SLC25A38: variants seen among roughly 807,000 people sequenced by gnomAD.
SLC25A38 encodes mitochondrial glycine transporter.
Under a neutral mutation model 33.4 loss-of-function variants are expected in SLC25A38, and 27 were observed. That is an observed-to-expected ratio of 0.81 (90% CI 0.60 to 1.11). The LOEUF (loss-of-function observed/expected upper bound fraction) is 1.11, where lower values mean the gene tolerates loss of function less well. Ranked by LOEUF, SLC25A38 falls within the 50% of genes most tolerant of loss-of-function variation. SLC25A38 has a pLI of 0.00. For synonymous variants in SLC25A38, 123 were observed against 145.9 expected, an observed-to-expected ratio of 0.84 and a Z score of 1.13; for missense variants, 344 against 388.8, an observed-to-expected ratio of 0.88 and a Z score of 0.97.
Position 39,396,892 on chromosome 3 carries a change from A to T in SLC25A38, c.*372A>T, listed in dbSNP as rs1484646188. 2.9e-6 allele frequency: 1 copy of T among 345,250 alleles called. No homozygotes were observed. The highest frequency in any genetic ancestry group is 7.3e-5 in the East Asian group (1 of 13,672). 21.4% of individuals were successfully genotyped at this position (345,250 alleles called of 1,614,324 possible). A position where few individuals can be genotyped will look rare whatever the true frequency, so the allele number is the denominator to read the frequency against. Reference sequence around the variant, plus strand: ...TTCTTGGGCAAGCAATCACAAAGCCAGAGAAGCTGTAAGCTGCCTGCCGGG... The same window carrying T: ...TTCTTGGGCAAGCAATCACAAAGCCTGAGAAGCTGTAAGCTGCCTGCCGGG... On this transcript the variant is annotated 3_prime_UTR_variant, in exon 7 of 7. Transcript: ENST00000650617.
intron 1 of SLC25A38, chr3:39,384,792 T>G: frequency 2.6e-6 from 1 of 388,392 alleles, no homozygotes; most frequent in Non-Finnish European, 4.5e-6. Flanking sequence ...TTGAGCTTTC[T>G]TTTCTTTTTT....
intron 6 of SLC25A38, 146 bp from the exon 7 acceptor site, chr3:39,396,252 T>G: frequency 7.4e-7 from 1 of 1,360,122 alleles, no homozygotes; most frequent in Non-Finnish European, 1.0e-6. Context: ...GTTGTCTCCT[T>G]GGACCCATTA....
Position 39,389,605 on chromosome 3 carries a change from C to T in SLC25A38, c.180C>T (p.Pro60=), listed in dbSNP as rs1272870725. The T allele has an allele frequency of 6.2e-7, 1 of 1,614,186 alleles. No homozygotes were observed. The highest frequency in any genetic ancestry group is 8.5e-7 in the Non-Finnish European group (1 of 1,180,024). ...LLKTRLQTLQ[P]SDHGSRRVGM... ...AAACACGCCTGCAAACCCTCCAGCC[C>T]TCAGATCATGGGTAGGCCCTGCATT... is the stretch of plus-strand genomic sequence containing the variant. Residue 60 remains proline (P), a synonymous_variant, in exon 2 of 7, where the codon CCC becomes CCT. Coordinates refer to ENST00000650617, the MANE Select transcript of SLC25A38 (RefSeq NM_017875.4). The surrounding 1 kb of genome is among the most constrained non-coding windows in gnomAD (Gnocchi z 4.5).
At chr3:39,390,780 T>C (rs981701686) in intron 3 of SLC25A38, among the ~76,000 whole-genome samples, 1 of 152,228 alleles carries the variant, frequency 6.6e-6, no homozygotes, top group Non-Finnish European at 1.5e-5. Context: ...CTTGCTCTTA[T>C]CACTTCAGTA....
chr3:39,396,620 G>C lies in SLC25A38; in HGVS notation c.*100G>C. ...TCTGCAGTAAGATGAAGTCCTACCTGGAAAACCAGGCAGAAATTGTGTTGC... is the reference window on the plus strand; with the variant it reads ...TCTGCAGTAAGATGAAGTCCTACCTCGAAAACCAGGCAGAAATTGTGTTGC... On this transcript the variant is annotated 3_prime_UTR_variant, in exon 7 of 7. Coordinates refer to ENST00000650617, the MANE Select transcript of SLC25A38 (RefSeq NM_017875.4). 6.3e-7 allele frequency: 1 copy of C among 1,596,336 alleles called. No individual in the cohort carries two copies. Among genetic ancestry groups the C allele is most frequent in the Non-Finnish European group, 8.6e-7 (1 of 1,168,150 alleles).
chr3:39,391,204 TC>T (rs1350409486), intron 3 of SLC25A38, among the ~76,000 whole-genome samples: 7 of 152,204 alleles, frequency 4.6e-5, no homozygotes, highest in African/African-American at 1.7e-4. Flanking sequence ...CTACACCGAT[TC>T]CCAGAGTTCC....
chr3:39,385,945 G>A (rs1257720159), intron 1 of SLC25A38, among the ~76,000 whole-genome samples: 2 of 152,198 alleles, frequency 1.3e-5, no homozygotes, highest in African/African-American at 4.8e-5. Context: ...GCTGCAGAGT[G>A]TGTTAGTGGG....
chr3:39,384,458 G>A, intron 1 of SLC25A38: 1 of 380,742 alleles, frequency 2.6e-6, no homozygotes. Flanking sequence ...GGCCACTGCA[G>A]CTGCCGCAGC....
At position 39,396,706 on chromosome 3, in the gene SLC25A38, T is replaced by C. The variant is rs1406155487; in HGVS notation, c.*186T>C. ...ATGGACCTGATTTCAGCCTTCAGAA[T>C]CTCCAAAAGAGGAGTCATCAATTCA... On this transcript the variant is annotated 3_prime_UTR_variant, in exon 7 of 7. Transcript: ENST00000650617. 2.6e-5 allele frequency: 24 copies of C among 908,384 alleles called. No homozygotes were observed. Among genetic ancestry groups the C allele is most frequent in the Non-Finnish European group, 4.1e-5 (24 of 586,510 alleles). The allele number at this position is 908,384 out of a possible 1,614,324, so 56.3% of individuals were successfully genotyped here.
Position 39,391,880 on chromosome 3 carries a change from T to C in SLC25A38, c.484T>C (p.Tyr162His), listed in dbSNP as rs2041774145. The stretch of plus-strand genomic sequence containing the variant: ...TGGGAAATATGGCTATGAGAGTATC[T>C]ACGCTGCCCTGAGGAGCATCTATCA... ...ESGKYGYESIYAALRSIYHSE... is the reference protein window; with the variant it reads ...ESGKYGYESIHAALRSIYHSE... The change falls in exon 5 of 7, where the codon TAC (tyrosine) becomes CAC (histidine). Residue 162 changes from tyrosine to histidine, a missense_variant. By Grantham distance (83) the Tyr-to-His change is moderately conservative. This residue lies in a region of SLC25A38 where 269 missense variants were observed against 271.8 expected (regional missense o/e 0.99). Transcript: ENST00000650617. The C allele has an allele frequency of 1.2e-6, 2 of 1,613,866 alleles. No individual in the cohort carries two copies. Among genetic ancestry groups the C allele is most frequent in the South Asian group, 2.2e-5 (2 of 91,064 alleles).
rs1189175888 is a variant in SLC25A38 at position 39,389,058 on chromosome 3, TGC to T, written c.70-436_70-435del. On this transcript the variant is annotated intron_variant, in intron 1 of 6. Transcript: ENST00000650617. The surrounding 1 kb of genome is among the most constrained non-coding windows in gnomAD (Gnocchi z 4.5). The stretch of plus-strand genomic sequence containing the variant: ...CAGTGGTTGAGCTTAAGGTTTCATT[TGC>T]TTTGGCTTGGTCCTATAAATACCTA... Among the ~76,000 whole-genome samples the T allele has an allele frequency of 5.9e-5, 9 of 152,254 alleles. No homozygotes were observed. Among genetic ancestry groups the T allele is most frequent in the African/African-American group, 1.7e-4 (7 of 41,466 alleles).
rs1218815001 is a variant in SLC25A38, at chr3:39,396,518, T to C, written c.913T>C (p.Ter305ArgextTer28). ...EMMAKMGLKS[*>R] is the part of the protein sequence containing the mutation. Reference sequence around the variant, plus strand: ...GATGGCCAAGATGGGCCTGAAGTCCTGACCAAGAGAGGACTGGGAACGGGT... The same window carrying C: ...GATGGCCAAGATGGGCCTGAAGTCCCGACCAAGAGAGGACTGGGAACGGGT... Residue 305 changes from the stop codon to arginine (R), a stop_lost, in exon 7 of 7, where the codon TGA becomes CGA. Transcript: ENST00000650617. 21 of 1,614,010 alleles carry C rather than the reference T, an allele frequency of 1.3e-5. No homozygotes were observed. Among genetic ancestry groups the C allele is most frequent in the Non-Finnish European group, 1.6e-5 (19 of 1,180,010 alleles).
rs1187378522 is a variant in SLC25A38, at chr3:39,391,450, A to G, written c.286A>G (p.Arg96Gly). ...CTGACCTTCTCTGCAGTCCATTGTG[A>G]GATGTGTCCCTGGCGTTGGAATCTA... is the stretch of plus-strand genomic sequence containing the variant. ...LWKGMSPSIV[R>G]CVPGVGIYFG... Residue 96 changes from arginine (R) to glycine (G), a missense_variant, in exon 4 of 7, where the codon AGA becomes GGA. Arg to Gly is a moderately radical substitution (Grantham distance 125). This residue lies in a region of SLC25A38 where 269 missense variants were observed against 271.8 expected (regional missense o/e 0.99). Transcript: ENST00000650617. The G allele has an allele frequency of 2.0e-5, 33 of 1,613,428 alleles. No individual in the cohort carries two copies. The Admixed American group carries it at 5.5e-4, about 27-fold the overall frequency.
intron 6 of SLC25A38, among the ~76,000 whole-genome samples, chr3:39,395,100 T>C (rs2041812674): frequency 6.6e-6 from 1 of 152,188 alleles, no homozygotes; most frequent in Non-Finnish European, 1.5e-5. Context: ...CTAACACTAA[T>C]GATAGCTGAT....
At position 39,383,653 on chromosome 3, in the gene SLC25A38, G is replaced by A; in HGVS notation, c.-72G>A. 1 of 1,575,512 alleles carries A rather than the reference G, an allele frequency of 6.3e-7. No homozygotes were observed. Among genetic ancestry groups the A allele is most frequent in the Admixed American group, 1.7e-5 (1 of 59,608 alleles). On this transcript the variant is annotated 5_prime_UTR_variant, in exon 1 of 7. Transcript: ENST00000650617. ...AGCGCCACCCCCTAGCCTTCTTCAA[G>A]GCCTCCAGGGCTGGGCCCAAGCGCC...
At chr3:39,395,312 C>T (rs2041814984) in intron 6 of SLC25A38, among the ~76,000 whole-genome samples, 1 of 152,092 alleles carries the variant, frequency 6.6e-6, no homozygotes, top group African/African-American at 2.4e-5. Context: ...GTGGCTCATG[C>T]TGGTAATCCC....
Position 39,383,639 on chromosome 3 carries a change from C to T in SLC25A38, c.-86C>T. On this transcript the variant is annotated 5_prime_UTR_variant, in exon 1 of 7. Coordinates refer to ENST00000650617, the MANE Select transcript of SLC25A38 (RefSeq NM_017875.4). ...CGCGTCGCCTGGCTAGCGCCACCCCCTAGCCTTCTTCAAGGCCTCCAGGGC... is the reference window on the plus strand; with the variant it reads ...CGCGTCGCCTGGCTAGCGCCACCCCTTAGCCTTCTTCAAGGCCTCCAGGGC... 6.6e-7 allele frequency: 1 copy of T among 1,518,616 alleles called. No homozygotes were observed. The highest frequency in any genetic ancestry group is 9.1e-7 in the Non-Finnish European group (1 of 1,096,846). The allele number at this position is 1,518,616 out of a possible 1,614,324, so 94.1% of individuals were successfully genotyped here.
Position 39,386,986 on chromosome 3 carries a change from C to A in SLC25A38, c.70-2509C>A, listed in dbSNP as rs571724078. Among the ~76,000 whole-genome samples the A allele has an allele frequency of 5.3e-5, 8 of 152,010 alleles. No individual in the cohort carries two copies. The South Asian group carries it at 1.7e-3, about 32-fold the overall frequency. On this transcript the variant is annotated intron_variant, in intron 1 of 6. Coordinates refer to ENST00000650617, the MANE Select transcript of SLC25A38 (RefSeq NM_017875.4). ...TGTGGAGGGGAGGGTGGAAATGGAA[C>A]CCTTGGAAGTGGATGAAGAGCCATG...
At position 39,385,425 on chromosome 3, in the gene SLC25A38, C is replaced by G. The variant is rs544072299; in HGVS notation, c.69+1632C>G. Among the ~76,000 whole-genome samples, 26 of 152,264 alleles carry G rather than the reference C, an allele frequency of 1.7e-4. 1 individual carries two copies. The highest frequency in any genetic ancestry group is 1.4e-3 in the Admixed American group (22 of 15,306). ...AGGGTGGGAAGGTCAAGGACAGCAG[C>G]AAATTTGTTTTAAAACAAATTCCAC... On this transcript the variant is annotated intron_variant, in intron 1 of 6. Transcript: ENST00000650617.
Sources: allele counts gnomAD v4.1 joint callset (sites outside exome capture counted in the v4.1 genomes callset), GRCh38; gene constraint gnomAD v4.1.1; regional missense constraint gnomAD v4.1.1; non-coding constraint Gnocchi (gnomAD v3.1); transcripts MANE v1.5; gene names NCBI Gene and HGNC (gene_info 2026-07-23, HGNC 2026-07-21).